NRG3: variants seen among roughly 807,000 people sequenced by gnomAD.
NRG3 encodes the protein pro-neuregulin-3, membrane-bound isoform.
A neutral mutation model predicts 66.9 loss-of-function variants in NRG3; 31 were observed. The ratio of observed to expected loss-of-function variants is 0.46; its 90% CI spans 0.35 to 0.63. The LOEUF is 0.63. Ranked by LOEUF, NRG3 falls within the 20% of genes least tolerant of loss-of-function variation. The pLI is 0.00. For synonymous variants in NRG3, 393 were observed against 359.4 expected (o/e 1.09, Z -1.06); for missense variants, 910 against 878.9 (o/e 1.04, Z -0.45).
intron 1 of NRG3, among the ~76,000 whole-genome samples, chr10:82,084,498 T>G (rs376205033): frequency 0.015 from 1,490 of 98,494 alleles, 15 homozygotes; most frequent in Non-Finnish European, 0.02. Flanking sequence ...GGGACATATA[T>G]GAGATTTTTT....
At chr10:82,910,952 G>A (rs1804404330) in intron 4 of NRG3, among the ~76,000 whole-genome samples, 1 of 152,200 alleles carries the variant, frequency 6.6e-6, no homozygotes, top group African/African-American at 2.4e-5. Context: ...TATGTTCAGT[G>A]ACTATGTTTC....
chr10:82,423,537 A>AT (rs2089220306), intron 2 of NRG3, among the ~76,000 whole-genome samples: 2 of 151,854 alleles, frequency 1.3e-5, no homozygotes, highest in Non-Finnish European at 2.9e-5. Context: ...TCAAAATGGC[A>AT]ATTTTTTTTT....
rs201348217 is a variant in NRG3, at chr10:82,544,321, G to GT, written c.953+185459dup. ...TCCAGGAACTTGTTTTTTTGTTGTTGTTTTTTGTTTTTGTTTTTGTTTTTT... is the reference window on the plus strand; with the variant it reads ...TCCAGGAACTTGTTTTTTTGTTGTTGTTTTTTTGTTTTTGTTTTTGTTTTTT... On this transcript the variant is annotated intron_variant, in intron 2 of 8. Transcript: ENST00000372141. Among the ~76,000 whole-genome samples the GT allele has an allele frequency of 8.3e-3, 1,260 of 152,214 alleles. 16 individuals carry two copies. The highest frequency in any genetic ancestry group is 0.028 in the African/African-American group (1,163 of 41,544).
At chr10:81,963,286 A>G (rs2059597760) in intron 1 of NRG3, among the ~76,000 whole-genome samples, 2 of 150,470 alleles carry the variant, frequency 1.3e-5, no homozygotes, top group South Asian at 4.2e-4. Flanking sequence ...GGCGCCCGCC[A>G]CTACGCCCGG....
chr10:82,546,974 G>A (rs2043957799), intron 2 of NRG3, among the ~76,000 whole-genome samples: 1 of 151,860 alleles, frequency 6.6e-6, no homozygotes, highest in Non-Finnish European at 1.5e-5. Context: ...AGAGAAGGAG[G>A]GAAGAAGACA....
At chr10:82,397,623 G>C (rs1004338379) in intron 2 of NRG3, among the ~76,000 whole-genome samples, 1 of 152,100 alleles carries the variant, frequency 6.6e-6, no homozygotes, top group African/African-American at 2.4e-5. Flanking sequence ...AAATGCCAGG[G>C]TTTTAAATGC....
At chr10:82,657,530 A>G (rs1421684383) in intron 2 of NRG3, among the ~76,000 whole-genome samples, 1 of 152,170 alleles carries the variant, frequency 6.6e-6, no homozygotes, top group Non-Finnish European at 1.5e-5. Flanking sequence ...AAATTAGAAA[A>G]CAATGTCATT....
At chr10:82,961,068 C>A (rs574683770) in intron 6 of NRG3, among the ~76,000 whole-genome samples, 1 of 152,280 alleles carries the variant, frequency 6.6e-6, no homozygotes, top group South Asian at 2.1e-4. Flanking sequence ...AGTGGATTTG[C>A]AGAATACAAT....
chr10:82,742,726 G>T (rs145770167), intron 3 of NRG3, among the ~76,000 whole-genome samples: 3 of 152,042 alleles, frequency 2.0e-5, no homozygotes, highest in Non-Finnish European at 4.4e-5. Context: ...TGCTGCCAGC[G>T]CACTGAGGGA....
chr10:82,921,167 A>G (rs1181449878), intron 4 of NRG3, among the ~76,000 whole-genome samples: 1 of 152,138 alleles, frequency 6.6e-6, no homozygotes, highest in East Asian at 1.9e-4. Flanking sequence ...CTATTATAAT[A>G]GCACTCTATT....
chr10:82,826,738 A>G (rs1204949871), intron 3 of NRG3, among the ~76,000 whole-genome samples: 1 of 152,136 alleles, frequency 6.6e-6, no homozygotes, highest in Non-Finnish European at 1.5e-5. Context: ...GATGGGAACA[A>G]CAGACACTGG....
At position 81,879,233 on chromosome 10, in the gene NRG3, C is replaced by A. The variant is rs147324469; in HGVS notation, c.823+3070C>A. 1.6e-4 allele frequency among the ~76,000 whole-genome samples: 24 copies of A among 152,248 alleles called. No individual in the cohort carries two copies. In the East Asian group the frequency reaches 4.6e-3, roughly 29 times the overall value. ...AAAAACGAATGTCTTAAACATATCG[C>A]CAGGGGAGATTATTTCACCAGAAAC... On this transcript the variant is annotated intron_variant, in intron 1 of 8. Coordinates refer to ENST00000372141, the MANE Select transcript of NRG3 (RefSeq NM_001010848.4).
At chr10:82,470,255 G>A (rs1841123904) in intron 2 of NRG3, among the ~76,000 whole-genome samples, 1 of 152,192 alleles carries the variant, frequency 6.6e-6, no homozygotes, top group Admixed American at 6.5e-5. Flanking sequence ...TGAGAGTCAA[G>A]AAACTTGGTA....
intron 2 of NRG3, among the ~76,000 whole-genome samples, chr10:82,640,677 G>A (rs1438844908): frequency 1.3e-5 from 2 of 152,054 alleles, no homozygotes; most frequent in African/African-American, 2.4e-5. Context: ...TGCAATAAAA[G>A]TGCTAAATAT....
chr10:82,854,891 C>T lies in NRG3; in HGVS notation c.1028-10520C>T, dbSNP rs372499746. On this transcript the variant is annotated intron_variant, in intron 3 of 8. Transcript: ENST00000372141. ...AAGTCATCAGTAAAGAGATTTTCTA[C>T]CATATCCACTACATTACAGTATTTG... 1.8e-4 allele frequency among the ~76,000 whole-genome samples: 27 copies of T among 152,252 alleles called. 1 individual carries two copies. The highest frequency in any genetic ancestry group is 6.5e-4 in the African/African-American group (27 of 41,552).
intron 1 of NRG3, among the ~76,000 whole-genome samples, chr10:82,351,361 C>A (rs1436090985): frequency 2.0e-5 from 3 of 152,200 alleles, no homozygotes; most frequent in African/African-American, 7.2e-5. Flanking sequence ...CCGTGGATAG[C>A]ATCCAGATTA....
At chr10:81,878,073 A>G in intron 1 of NRG3, 2 of 1,535,022 alleles carry the variant, frequency 1.3e-6, no homozygotes, top group Admixed American at 3.9e-5. Flanking sequence ...ACCATTCCGG[A>G]GGTCTTTAAA....
intron 1 of NRG3, among the ~76,000 whole-genome samples, chr10:82,185,299 AGTT>A (rs1324760622): frequency 6.6e-6 from 1 of 152,196 alleles, no homozygotes; most frequent in Admixed American, 6.6e-5. Context: ...CTATCTGCCC[AGTT>A]GTTGTTTTAA....
chr10:82,388,709 T>C (rs773128262), intron 2 of NRG3, among the ~76,000 whole-genome samples: 7 of 152,150 alleles, frequency 4.6e-5, no homozygotes, highest in Non-Finnish European at 7.4e-5. Context: ...TTGATAGATA[T>C]GTAAGAATGA....
Sources: allele counts gnomAD v4.1 joint callset (sites outside exome capture counted in the v4.1 genomes callset), GRCh38; gene constraint gnomAD v4.1.1; transcripts MANE v1.5; gene names NCBI Gene and HGNC (gene_info 2026-07-23, HGNC 2026-07-21).